The following NTN1 variants were observed in gnomAD, a reference collection of about 807,000 sequenced individuals.
NTN1 encodes the protein netrin 1, also known as netrin-1.
In NTN1, 11 loss-of-function variants were observed where a neutral mutation model predicts 54.2. That is an observed-to-expected ratio of 0.20 (90% confidence interval 0.13 to 0.34). The LOEUF (loss-of-function observed/expected upper bound fraction) is 0.34, where lower values mean the gene tolerates loss of function less well. NTN1 is among the 10% of genes least tolerant of loss of function. NTN1 has a pLI of 1.00. For synonymous variants in NTN1, 371 were observed against 382.0 expected (o/e 0.97, Z 0.33); for missense variants, 740 against 893.1 (o/e 0.83, Z 2.18).
intron 2 of NTN1, among the ~76,000 whole-genome samples, chr17:9,065,001 A>T (rs921216995): frequency 6.6e-6 from 1 of 152,104 alleles, no homozygotes; most frequent in Non-Finnish European, 1.5e-5. Flanking sequence ...CAGTGGTGCA[A>T]TCTCGGCTCA....
Position 9,085,936 on chromosome 17 carries a change from A to T in NTN1, c.1018+62545A>T, listed in dbSNP as rs568348690. 2.0e-5 allele frequency among the ~76,000 whole-genome samples: 3 copies of T among 152,254 alleles called. No homozygotes were observed. The East Asian group carries it at 5.8e-4, about 29-fold the overall frequency. On this transcript the variant is annotated intron_variant, in intron 2 of 6. Coordinates refer to ENST00000173229, the MANE Select transcript of NTN1 (RefSeq NM_004822.3). Reference sequence around the variant, plus strand: ...TCTCCTCTCCTCTTGCCTGGCTCTCACTGCTACTACACATGGGATTTCCAA... The same window carrying T: ...TCTCCTCTCCTCTTGCCTGGCTCTCTCTGCTACTACACATGGGATTTCCAA...
rs1905106076 is a variant in NTN1, at chr17:9,211,500, G to A, written c.1412-9668G>A. ...GCCACCCACTGCTCCATTAGCCTTGGGGATCACCCAGTGCCTCCCAGAGCT... is the reference window on the plus strand; with the variant it reads ...GCCACCCACTGCTCCATTAGCCTTGAGGATCACCCAGTGCCTCCCAGAGCT... On this transcript the variant is annotated intron_variant, in intron 5 of 6. Transcript: ENST00000173229. The surrounding 1 kb of genome is among the most constrained non-coding windows in gnomAD (Gnocchi z 4.4). Among the ~76,000 whole-genome samples, 1 of 152,198 alleles carries A rather than the reference G, an allele frequency of 6.6e-6. No individual in the cohort carries two copies.
chr17:9,040,525 G>T (rs567192906), intron 2 of NTN1, among the ~76,000 whole-genome samples: 1 of 152,098 alleles, frequency 6.6e-6, no homozygotes, highest in Admixed American at 6.5e-5. Context: ...AGTTTCTCTG[G>T]ACTTCAACTA....
chr17:9,082,101 C>T (rs2092073145), intron 2 of NTN1, among the ~76,000 whole-genome samples: 1 of 152,102 alleles, frequency 6.6e-6, no homozygotes, highest in South Asian at 2.1e-4. Flanking sequence ...GCTCTGTCCC[C>T]CAGGCTGGAG....
chr17:9,236,485 T>C lies in NTN1; in HGVS notation c.1487-3155T>C, dbSNP rs561193585. Among the ~76,000 whole-genome samples, 3 of 152,356 alleles carry C rather than the reference T, an allele frequency of 2.0e-5. No homozygotes were observed. The East Asian group carries it at 5.8e-4, about 29-fold the overall frequency. On this transcript the variant is annotated intron_variant, in intron 6 of 6. Transcript: ENST00000173229. ...CATGGCAGGGGCTTGGCCCATGCAC[T>C]GCATATGTAGCTCATACTTGGTGAG...
chr17:9,026,734 T>G (rs2091872425), intron 2 of NTN1, among the ~76,000 whole-genome samples: 1 of 149,070 alleles, frequency 6.7e-6, no homozygotes, highest in Admixed American at 6.9e-5. Context: ...TTAATCATTG[T>G]CCCCCTGACG....
chr17:9,066,351 G>A (rs989769386), intron 2 of NTN1, among the ~76,000 whole-genome samples: 18 of 152,290 alleles, frequency 1.2e-4, no homozygotes, highest in Admixed American at 4.6e-4. Context: ...TAGCAGAGCC[G>A]GGCGTGGTGG....
At chr17:9,230,064 TC>T (rs1905753351) in intron 6 of NTN1, among the ~76,000 whole-genome samples, 1 of 56,694 alleles carries the variant, frequency 1.8e-5, no homozygotes, top group Non-Finnish European at 3.2e-5. Context: ...AATGACGGAC[TC>T]TTCCCCCTCA....
chr17:9,193,157 AAG>A (rs1371820538), intron 5 of NTN1, among the ~76,000 whole-genome samples: 4 of 152,190 alleles, frequency 2.6e-5, no homozygotes, highest in African/African-American at 9.6e-5. Context: ...CATGTTAAAA[AAG>A]GACTGAGCTT....
chr17:9,113,019 A>ATTTTTTTTTTTTTTTTT (rs398058563), intron 2 of NTN1, among the ~76,000 whole-genome samples: 1 of 141,938 alleles, frequency 7.0e-6, no homozygotes, highest in Non-Finnish European at 1.5e-5. Flanking sequence ...TGTATACAGA[A>ATTTTTTTTTTTTTTTTT]TTTTTTTTAT....
intron 3 of NTN1, among the ~76,000 whole-genome samples, chr17:9,169,578 G>A (rs763415514): frequency 6.6e-6 from 1 of 152,190 alleles, no homozygotes; most frequent in Non-Finnish European, 1.5e-5. Flanking sequence ...AATTCCTGGA[G>A]GATTGGCTGG....
At chr17:9,125,134 T>C (rs1262606773) in intron 2 of NTN1, among the ~76,000 whole-genome samples, 1 of 152,030 alleles carries the variant, frequency 6.6e-6, no homozygotes, top group Non-Finnish European at 1.5e-5. Context: ...CAATCATGGC[T>C]CACTGCAGCC....
At chr17:9,059,594 C>T (rs2091989757) in intron 2 of NTN1, among the ~76,000 whole-genome samples, 1 of 152,062 alleles carries the variant, frequency 6.6e-6, no homozygotes, top group Non-Finnish European at 1.5e-5. Context: ...GATATGGTTA[C>T]ATTTATGTGA....
intron 2 of NTN1, among the ~76,000 whole-genome samples, chr17:9,103,349 C>T (rs2092156366): frequency 6.6e-6 from 1 of 152,164 alleles, no homozygotes; most frequent in African/African-American, 2.4e-5. Context: ...ACCCAAGTTT[C>T]ATCTTGAATT....
chr17:9,183,198 C>T (rs1055274873), intron 5 of NTN1: 10 of 690,372 alleles, frequency 1.4e-5, no homozygotes, highest in Non-Finnish European at 2.7e-5. Context: ...TGATGCCTCT[C>T]TCCCAAGCCT....
At chr17:9,186,750 G>A (rs2092434542) in intron 5 of NTN1, among the ~76,000 whole-genome samples, 1 of 152,236 alleles carries the variant, frequency 6.6e-6, no homozygotes, top group South Asian at 2.1e-4. Context: ...ACTTCCGGTG[G>A]CCTCTCGGCA....
chr17:9,219,460 A>G lies in NTN1; in HGVS notation c.1412-1708A>G, dbSNP rs1403104041. On this transcript the variant is annotated intron_variant, in intron 5 of 6. Coordinates refer to ENST00000173229, the MANE Select transcript of NTN1 (RefSeq NM_004822.3). The surrounding 1 kb of genome is among the most constrained non-coding windows in gnomAD (Gnocchi z 4.5). ...AGGGCTGTTTTTCTCCCATTTCCTG[A>G]GACTGGTTCCTAACTGGGGGCCCCA... Among the ~76,000 whole-genome samples, 1 of 152,140 alleles carries G rather than the reference A, an allele frequency of 6.6e-6. No homozygotes were observed. Among genetic ancestry groups the G allele is most frequent in the Non-Finnish European group, 1.5e-5 (1 of 68,024 alleles).
At chr17:9,117,787 A>AAC (rs1555569439) in intron 2 of NTN1, among the ~76,000 whole-genome samples, 1 of 150,448 alleles carries the variant, frequency 6.6e-6, no homozygotes, top group Non-Finnish European at 1.5e-5. Context: ...AAAAAAAAAA[A>AAC]CAAGCTTCCA....
In NTN1 at chr17:9,033,787, C is replaced by T. The variant is rs926240720; in HGVS notation, c.1018+10396C>T. ...ACAAAATTAGCCGGGCGTGGTGGCACGTGCCTGTAATCCCAGCTACTTGGG... is the reference window on the plus strand; with the variant it reads ...ACAAAATTAGCCGGGCGTGGTGGCATGTGCCTGTAATCCCAGCTACTTGGG... On this transcript the variant is annotated intron_variant, in intron 2 of 6. Coordinates refer to ENST00000173229, the MANE Select transcript of NTN1 (RefSeq NM_004822.3). Among the ~76,000 whole-genome samples, 5 of 151,966 alleles carry T rather than the reference C, an allele frequency of 3.3e-5. No individual in the cohort carries two copies. In the East Asian group the frequency reaches 5.8e-4, roughly 18 times the overall value.
Sources: gnomAD v4.1 joint callset for allele counts (sites outside exome capture counted in the v4.1 genomes callset) on GRCh38, gnomAD v4.1.1 for gene constraint, Gnocchi (gnomAD v3.1) non-coding constraint, MANE v1.5 for transcripts, NCBI Gene and HGNC (gene_info 2026-07-23, HGNC 2026-07-21) for gene names.